CTNNA3: variants seen among roughly 807,000 people sequenced by gnomAD.
The protein encoded by CTNNA3 is catenin alpha-3.
In CTNNA3, 76 loss-of-function variants were observed where a neutral mutation model predicts 95.7. The ratio of observed to expected loss-of-function variants is 0.79; its 90% CI spans 0.66 to 0.96. The LOEUF is 0.96. Ranked by LOEUF, CTNNA3 falls within the 40% of genes least tolerant of loss-of-function variation. The pLI, the probability that CTNNA3 is intolerant of heterozygous loss-of-function variation, is 0.00. For synonymous variants in CTNNA3, 431 were observed against 374.4 expected (o/e 1.15, Z -1.74); for missense variants, 1,191 against 1,089.8 (o/e 1.09, Z -1.31).
At chr10:66,436,056 CCATTTATTTG>C (rs1275333630) in intron 11 of CTNNA3, among the ~76,000 whole-genome samples, 1 of 152,114 alleles carries the variant, frequency 6.6e-6, no homozygotes, top group Non-Finnish European at 1.5e-5. Context: ...GTTATTATTT[CCATTTATTTG>C]CATTTGCTGA....
chr10:66,494,840 C>A (rs10997188), intron 11 of CTNNA3, among the ~76,000 whole-genome samples: 9,781 of 152,224 alleles, frequency 0.064, 666 homozygotes, highest in African/African-American at 0.17. Context: ...CAAAAATTAT[C>A]CTGTCACTTA....
chr10:66,661,931 CAGTT>C (rs1256098537), intron 9 of CTNNA3, among the ~76,000 whole-genome samples: 5 of 152,128 alleles, frequency 3.3e-5, no homozygotes, highest in Non-Finnish European at 7.3e-5. Context: ...ATTCAGCTCA[CAGTT>C]AGTTTGTAAA....
At chr10:67,543,884 A>G (rs142973850) in intron 3 of CTNNA3, among the ~76,000 whole-genome samples, 4,226 of 152,232 alleles carry the variant, frequency 0.028, 80 homozygotes, top group South Asian at 0.1. Flanking sequence ...CAATTATTTT[A>G]TTTGGCAGGG....
chr10:66,324,656 A>T lies in CTNNA3; in HGVS notation c.1733-44035T>A, dbSNP rs906768114. Among the ~76,000 whole-genome samples the T allele has an allele frequency of 2.0e-5, 3 of 152,088 alleles. No homozygotes were observed. In the East Asian group the frequency reaches 5.8e-4, roughly 29 times the overall value. ...GGGTTTGAGCAGTGATGGCAACTGA[A>T]CAAGTGAGCCACAAACCTGTTCCAT... On this transcript the variant is annotated intron_variant, in intron 12 of 17. Coordinates refer to ENST00000433211, the MANE Select transcript of CTNNA3 (RefSeq NM_013266.4).
chr10:66,755,448 C>G (rs1197506272), intron 9 of CTNNA3, among the ~76,000 whole-genome samples: 2 of 151,520 alleles, frequency 1.3e-5, no homozygotes, highest in Non-Finnish European at 2.9e-5. Flanking sequence ...ACTTATATCT[C>G]GATAATAGAT....
At chr10:65,956,303 C>T (rs1030444723) in intron 17 of CTNNA3, among the ~76,000 whole-genome samples, 18 of 152,008 alleles carry the variant, frequency 1.2e-4, no homozygotes, top group African/African-American at 4.1e-4. Flanking sequence ...GTCTTTCTAG[C>T]GGTCTATCAA....
chr10:67,019,301 C>G (rs1320571510), intron 7 of CTNNA3, among the ~76,000 whole-genome samples: 2 of 152,198 alleles, frequency 1.3e-5, no homozygotes, highest in Admixed American at 1.3e-4. Context: ...TCACCACAAC[C>G]TCTGCCTTCC....
At chr10:66,050,965 C>T (rs555326671) in intron 15 of CTNNA3, among the ~76,000 whole-genome samples, 67 of 152,116 alleles carry the variant, frequency 4.4e-4, no homozygotes, top group African/African-American at 1.4e-3. Context: ...GTGATCCTCT[C>T]GCCTAAGCCT....
intron 1 of CTNNA3, among the ~76,000 whole-genome samples, chr10:67,693,480 C>T (rs1290748920): frequency 6.6e-6 from 1 of 152,148 alleles, no homozygotes; most frequent in Admixed American, 6.6e-5. Context: ...GCCAACTTCT[C>T]TTCTTAAATC....
chr10:66,251,000 AC>A (rs1305934561), intron 13 of CTNNA3, among the ~76,000 whole-genome samples: 4 of 152,164 alleles, frequency 2.6e-5, no homozygotes, highest in Non-Finnish European at 5.9e-5. Flanking sequence ...TGCCTTGTAG[AC>A]CATTGATTAT....
chr10:67,562,891 T>G (rs1014284829), intron 3 of CTNNA3, among the ~76,000 whole-genome samples: 6 of 152,120 alleles, frequency 3.9e-5, no homozygotes, highest in African/African-American at 1.4e-4. Context: ...CATTCACAAC[T>G]GCTTCAAAGA....
intron 3 of CTNNA3, among the ~76,000 whole-genome samples, chr10:67,582,758 G>A (rs910680135): frequency 2.8e-4 from 42 of 151,810 alleles, no homozygotes; most frequent in Admixed American, 1.8e-3. Context: ...TTTGGTGCAT[G>A]TATATTTAGG....
At chr10:66,336,858 G>A (rs2092403014) in intron 12 of CTNNA3, among the ~76,000 whole-genome samples, 1 of 152,080 alleles carries the variant, frequency 6.6e-6, no homozygotes, top group South Asian at 2.1e-4. Flanking sequence ...CCCATCAGAA[G>A]ATCTGTAAAG....
chr10:66,852,729 T>A, intron 7 of CTNNA3, among the ~76,000 whole-genome samples: 1 of 152,210 alleles, frequency 6.6e-6, no homozygotes, highest in East Asian at 1.9e-4. Flanking sequence ...CTTGTAGTAG[T>A]ACTGTAAAAC....
intron 2 of CTNNA3, among the ~76,000 whole-genome samples, chr10:67,619,246 A>G (rs1843750732): frequency 6.6e-6 from 1 of 152,226 alleles, no homozygotes; most frequent in Non-Finnish European, 1.5e-5. Context: ...CCAAAACAGC[A>G]TGGCACTGGC....
intron 7 of CTNNA3, among the ~76,000 whole-genome samples, chr10:66,859,269 G>C (rs984307378): frequency 6.6e-6 from 1 of 152,036 alleles, no homozygotes. Context: ...CTACTCATCT[G>C]ACAAAAGGCT....
chr10:66,019,488 A>T (rs2079157934), intron 15 of CTNNA3, among the ~76,000 whole-genome samples: 1 of 152,148 alleles, frequency 6.6e-6, no homozygotes, highest in Non-Finnish European at 1.5e-5. Context: ...TAGCATTCCC[A>T]AGTTCGTCTT....
intron 13 of CTNNA3, among the ~76,000 whole-genome samples, chr10:66,138,488 T>C (rs1453150248): frequency 6.6e-6 from 1 of 152,214 alleles, no homozygotes; most frequent in Admixed American, 6.5e-5. Context: ...TTATTCATGA[T>C]AATTCTTTAT....
chr10:65,923,128 G>C (rs1237739462), intron 17 of CTNNA3, among the ~76,000 whole-genome samples: 1 of 152,144 alleles, frequency 6.6e-6, no homozygotes, highest in Non-Finnish European at 1.5e-5. Flanking sequence ...GGGACACAAA[G>C]CCTAACCATA....
Sources: gnomAD v4.1 joint callset for allele counts (sites outside exome capture counted in the v4.1 genomes callset) on GRCh38, gnomAD v4.1.1 for gene constraint, MANE v1.5 for transcripts, NCBI Gene and HGNC (gene_info 2026-07-23, HGNC 2026-07-21) for gene names.